Variants in PARG observed in about 807,000 individuals in gnomAD.
The protein encoded by PARG is mitochondrial poly(ADP-ribose) glycohydrolase.
PARG carries 35 observed loss-of-function variants against 113.0 expected under a neutral mutation model. That is an observed-to-expected ratio of 0.31 (90% CI 0.24 to 0.41). The LOEUF (loss-of-function observed/expected upper bound fraction) is 0.41. PARG is among the 10% of genes least tolerant of loss of function. PARG has a pLI of 1.00. For missense variants in PARG, 797 were observed against 1,169.4 expected (o/e 0.68, Z 4.64); for synonymous variants, 330 against 409.9 (o/e 0.81, Z 2.36).
intron 16 of PARG, among the ~76,000 whole-genome samples, chr10:49,821,967 CT>C (rs1844111589): frequency 6.6e-6 from 1 of 152,122 alleles, no homozygotes; most frequent in Non-Finnish European, 1.5e-5. Flanking sequence ...AAAGAGAGAA[CT>C]GCAAACAAAT....
chr10:49,876,916 T>C (rs1371505237), intron 9 of PARG, among the ~76,000 whole-genome samples: 3 of 151,578 alleles, frequency 2.0e-5, no homozygotes, highest in Admixed American at 1.3e-4. Flanking sequence ...CTAATATTTA[T>C]GTAACCAAGG....
At chr10:49,845,468 C>T (rs186050767) in intron 13 of PARG, among the ~76,000 whole-genome samples, 2 of 152,324 alleles carry the variant, frequency 1.3e-5, no homozygotes, top group African/African-American at 4.8e-5. Context: ...AAAGGGTGCA[C>T]TGGAACTCTC....
intron 7 of PARG, among the ~76,000 whole-genome samples, chr10:49,894,177 GC>G (rs1372753651): frequency 2.0e-5 from 3 of 151,392 alleles, no homozygotes; most frequent in Non-Finnish European, 4.4e-5. Flanking sequence ...GGGACCACAG[GC>G]ATGTGCCACC....
At chr10:49,826,984 C>G (rs1844391516) in intron 16 of PARG, among the ~76,000 whole-genome samples, 1 of 152,206 alleles carries the variant, frequency 6.6e-6, no homozygotes, top group Non-Finnish European at 1.5e-5. Context: ...AGGATCAACT[C>G]ATACCTGAGG....
At chr10:49,894,506 T>C (rs1847980509) in intron 7 of PARG, among the ~76,000 whole-genome samples, 2 of 152,186 alleles carry the variant, frequency 1.3e-5, no homozygotes, top group South Asian at 2.1e-4. Flanking sequence ...AGAAGCTTTA[T>C]AGTTTTTGCT....
Position 49,862,816 on chromosome 10 carries a change from C to T in PARG, c.2130-1153G>A, listed in dbSNP as rs141484757. 7.5e-3 allele frequency among the ~76,000 whole-genome samples: 1,139 copies of T among 151,988 alleles called. 20 individuals carry two copies. The highest frequency in any genetic ancestry group is 0.026 in the African/African-American group (1,056 of 41,374). ...CCCAGTCTCTTGTAGAAAACAGTAT[C>T]GTAAGTTTGATATATTTTTTTAACT... On this transcript the variant is annotated intron_variant, in intron 11 of 17. Transcript: ENST00000616448.
intron 14 of PARG, 140 bp from the exon 15 acceptor site, chr10:49,842,198 G>T (rs151126265): frequency 3.3e-6 from 2 of 615,128 alleles, no homozygotes; most frequent in East Asian, 5.6e-5. Context: ...TGAGCAAAAG[G>T]AAAGGAAAGG....
At chr10:49,901,972 G>A (rs1554843858) in intron 7 of PARG, among the ~76,000 whole-genome samples, 1 of 152,104 alleles carries the variant, frequency 6.6e-6, no homozygotes, top group Admixed American at 6.5e-5. Context: ...AGCCACATGT[G>A]GCATTTGAAA....
chr10:49,922,240 A>C (rs1216277291), intron 6 of PARG, 96 bp downstream of exon 6: 15 of 1,311,308 alleles, frequency 1.1e-5, no homozygotes, highest in East Asian at 2.5e-5. Context: ...TTTTGCATCT[A>C]AACAATGTTG....
At position 49,818,588 on chromosome 10, in the gene PARG, T is replaced by A. The variant is rs1843909953; in HGVS notation, c.*752A>T. On this transcript the variant is annotated 3_prime_UTR_variant, in exon 18 of 18. Transcript: ENST00000616448. ...CCAAGAAACAAAAAAAATCTTCAAT[T>A]CTCTTGAATCTGTTTTCTTTACACC... The A allele has an allele frequency of 6.6e-6, 1 of 152,526 alleles. No homozygotes were observed. Among genetic ancestry groups the A allele is most frequent in the African/African-American group, 2.4e-5 (1 of 41,426 alleles). 9.4% of individuals were successfully genotyped at this position (152,526 alleles called of 1,614,324 possible).
intron 4 of PARG, among the ~76,000 whole-genome samples, chr10:49,929,933 G>A (rs1838404653): frequency 6.6e-6 from 1 of 150,456 alleles, no homozygotes; most frequent in African/African-American, 2.4e-5. Context: ...GAAAGTAGGA[G>A]TTAGGGATGA....
At chr10:49,820,071 T>TA in intron 17 of PARG, 94 bp downstream of exon 17, 3 of 842,316 alleles carry the variant, frequency 3.6e-6, no homozygotes, top group Non-Finnish European at 1.9e-6. Context: ...TGTTTCTTCG[T>TA]ACCCACTGTG....
chr10:49,941,558 G>A lies in PARG; in HGVS notation c.168C>T (p.Ala56=). Reference sequence around the variant, plus strand: ...GCTGTCCCGCCCGCCCTGGGACGCAGGCTGGCGAGGACGGTGGGACCCTGA... The same window carrying A: ...GCTGTCCCGCCCGCCCTGGGACGCAAGCTGGCGAGGACGGTGGGACCCTGA... The part of the protein sequence containing the change: ...VQFRVPPSSP[A]CVPGRAGQHR... The change falls in exon 1 of 18, where the codon GCC becomes GCT. Residue 56 remains alanine, a synonymous_variant. Transcript: ENST00000616448. 6.4e-7 allele frequency: 1 copy of A among 1,559,008 alleles called. No individual in the cohort carries two copies. The highest frequency in any genetic ancestry group is 1.2e-5 in the South Asian group (1 of 84,472).
chr10:49,837,967 C>T (rs527331653), intron 15 of PARG, among the ~76,000 whole-genome samples: 1 of 152,246 alleles, frequency 6.6e-6, no homozygotes, highest in Non-Finnish European at 1.5e-5. Flanking sequence ...TAACAGGTAC[C>T]TTGCTCACAG....
At chr10:49,895,264 C>T (rs1247215393) in intron 7 of PARG, among the ~76,000 whole-genome samples, 4 of 152,184 alleles carry the variant, frequency 2.6e-5, no homozygotes, top group African/African-American at 9.6e-5. Flanking sequence ...CGTTAGTCTG[C>T]AAACTCTGCC....
chr10:49,919,883 C>G (rs1554848693), intron 6 of PARG, among the ~76,000 whole-genome samples: 1 of 152,118 alleles, frequency 6.6e-6, no homozygotes, highest in Non-Finnish European at 1.5e-5. Context: ...TCTTTGTATC[C>G]ACCAACATCC....
At chr10:49,920,592 ATACATATATACG>A (rs1202577855) in intron 6 of PARG, among the ~76,000 whole-genome samples, 4 of 145,802 alleles carry the variant, frequency 2.7e-5, no homozygotes, top group South Asian at 2.1e-4. Context: ...ATACACATAT[ATACATATATACG>A]TACATATATA....
chr10:49,903,228 G>A (rs2132757957), intron 7 of PARG, among the ~76,000 whole-genome samples: 1 of 152,044 alleles, frequency 6.6e-6, no homozygotes, highest in East Asian at 1.9e-4. Flanking sequence ...GGAATTTGAG[G>A]TTGCGATGCA....
intron 13 of PARG, among the ~76,000 whole-genome samples, chr10:49,844,538 G>T (rs536745371): frequency 6.6e-6 from 1 of 151,256 alleles, no homozygotes; most frequent in Non-Finnish European, 1.5e-5. Flanking sequence ...CAGGAGAATC[G>T]CTTGAACCTG....
Sources: gnomAD v4.1 joint callset for allele counts (sites outside exome capture counted in the v4.1 genomes callset) on GRCh38, gnomAD v4.1.1 for gene constraint, MANE v1.5 for transcripts, NCBI Gene and HGNC (gene_info 2026-07-23, HGNC 2026-07-21) for gene names.